SNTG1: variants seen among roughly 807,000 people sequenced by gnomAD.
The protein encoded by SNTG1 is syntrophin gamma 1, also known as gamma-1-syntrophin.
SNTG1 carries 39 observed loss-of-function variants against 74.7 expected under a neutral mutation model. The observed-to-expected ratio is 0.52, with a 90% CI of 0.40 to 0.68. The LOEUF is 0.68. Ranked by LOEUF, SNTG1 falls within the 30% of genes least tolerant of loss-of-function variation. The pLI is 0.00. For synonymous variants in SNTG1, 254 were observed against 217.1 expected (o/e 1.17, Z -1.49); for missense variants, 685 against 609.5 (o/e 1.12, Z -1.30).
chr8:50,709,197 G>T, intron 17 of SNTG1: 1 of 528,274 alleles, frequency 1.9e-6, no homozygotes, highest in Non-Finnish European at 3.4e-6. Flanking sequence ...CTATGTGAAA[G>T]TATTTATTTA....
chr8:50,633,718 G>C (rs187299451), intron 13 of SNTG1, among the ~76,000 whole-genome samples: 1 of 152,234 alleles, frequency 6.6e-6, no homozygotes, highest in Admixed American at 6.5e-5. Context: ...TGTAGGAAAT[G>C]AACCCCAAAT....
intron 2 of SNTG1, among the ~76,000 whole-genome samples, chr8:50,198,618 G>T (rs1267676830): frequency 6.6e-6 from 1 of 152,132 alleles, no homozygotes; most frequent in Non-Finnish European, 1.5e-5. Context: ...CAGCAGCAAA[G>T]TACAGTAAAG....
At position 50,121,991 on chromosome 8, in the gene SNTG1, G is replaced by T. The variant is rs1176462394; in HGVS notation, c.-102-50570G>T. Among the ~76,000 whole-genome samples the T allele has an allele frequency of 2.1e-5, 3 of 141,420 alleles. 1 individual carries two copies. The highest frequency in any genetic ancestry group is 7.7e-5 in the African/African-American group (3 of 39,154). 92.8% of individuals were successfully genotyped at this position (141,420 alleles called of 152,430 possible). A position where few individuals can be genotyped will look rare whatever the true frequency, so the allele number is the denominator to read the frequency against. On this transcript the variant is annotated intron_variant, in intron 1 of 18. Transcript: ENST00000642720. ...TTTGGTGGTAAAAATTCTGGGACTG[G>T]GAAAAAACCCAAGTGAAATTGTTTT...
At chr8:50,340,773 A>G (rs2091292946) in intron 2 of SNTG1, among the ~76,000 whole-genome samples, 1 of 152,042 alleles carries the variant, frequency 6.6e-6, no homozygotes, top group African/African-American at 2.4e-5. Flanking sequence ...TCACTAATCT[A>G]TTGATTAAAA....
At chr8:50,462,571 A>G (rs575095928) in intron 8 of SNTG1, among the ~76,000 whole-genome samples, 40 of 152,276 alleles carry the variant, frequency 2.6e-4, no homozygotes, top group African/African-American at 9.1e-4. Flanking sequence ...ACTTCTTTCA[A>G]TATTGGAGTC....
At chr8:50,687,744 ATGGTGTG>A (rs1273391192) in intron 15 of SNTG1, among the ~76,000 whole-genome samples, 7 of 151,478 alleles carry the variant, frequency 4.6e-5, no homozygotes, top group Admixed American at 2.0e-4. Flanking sequence ...ACAACAGTCC[ATGGTGTG>A]TGATGTTCCT....
chr8:50,344,978 C>G (rs761416649), intron 2 of SNTG1, among the ~76,000 whole-genome samples: 3 of 152,018 alleles, frequency 2.0e-5, no homozygotes, highest in Non-Finnish European at 2.9e-5. Flanking sequence ...GTGCACAAAC[C>G]CAGGGACAGG....
intron 1 of SNTG1, among the ~76,000 whole-genome samples, chr8:50,095,648 A>G (rs563420537): frequency 2.0e-5 from 3 of 152,280 alleles, no homozygotes; most frequent in South Asian, 2.1e-4. Context: ...TACAATTGTG[A>G]CATGCCCTTA....
At position 50,787,128 on chromosome 8, in the gene SNTG1, GA is replaced by G. The variant is rs369898342; in HGVS notation, c.1396-5534del. Among the ~76,000 whole-genome samples the G allele has an allele frequency of 2.6e-3, 393 of 149,278 alleles. 2 individuals carry two copies. The highest frequency in any genetic ancestry group is 9.3e-3 in the African/African-American group (378 of 40,822). ...TGCAAATATATAAAGGGTTTTCAGA[GA>G]AAAAAAAAGAAAAGAAACATAAATA... On this transcript the variant is annotated intron_variant, in intron 18 of 18. Coordinates refer to ENST00000642720, the MANE Select transcript of SNTG1 (RefSeq NM_018967.5).
intron 2 of SNTG1, among the ~76,000 whole-genome samples, chr8:50,326,061 G>A (rs976545719): frequency 2.0e-5 from 3 of 151,976 alleles, no homozygotes; most frequent in African/African-American, 7.2e-5. Flanking sequence ...AACAGCTTTG[G>A]AGCCTGAAAT....
chr8:50,710,367 G>C (rs1003768604), intron 17 of SNTG1, among the ~76,000 whole-genome samples: 6 of 151,812 alleles, frequency 4.0e-5, no homozygotes, highest in African/African-American at 1.5e-4. Flanking sequence ...AATCAAGATA[G>C]GCTCCTGAGT....
intron 3 of SNTG1, among the ~76,000 whole-genome samples, chr8:50,398,319 G>T (rs1260290934): frequency 6.6e-6 from 1 of 152,176 alleles, no homozygotes; most frequent in Non-Finnish European, 1.5e-5. Flanking sequence ...TAGCACGCCT[G>T]GTCCTCTCCA....
chr8:50,524,504 A>G (rs2094204815), intron 9 of SNTG1, among the ~76,000 whole-genome samples: 1 of 152,164 alleles, frequency 6.6e-6, no homozygotes, highest in African/African-American at 2.4e-5. Context: ...CATGTCAATC[A>G]CATACACTGC....
chr8:50,118,385 T>G (rs1196124753), intron 1 of SNTG1, among the ~76,000 whole-genome samples: 1 of 152,226 alleles, frequency 6.6e-6, no homozygotes, highest in African/African-American at 2.4e-5. Context: ...GAAAATGAAC[T>G]AAGATTTATT....
chr8:50,402,547 T>C (rs754770636), intron 4 of SNTG1, among the ~76,000 whole-genome samples: 1 of 152,190 alleles, frequency 6.6e-6, no homozygotes, highest in Non-Finnish European at 1.5e-5. Context: ...TTCGGGCCCA[T>C]CTCCAGCCTG....
intron 4 of SNTG1, among the ~76,000 whole-genome samples, chr8:50,423,793 A>T (rs2131474789): frequency 6.6e-6 from 1 of 152,210 alleles, no homozygotes; most frequent in Middle Eastern, 3.4e-3. Flanking sequence ...ACCTATGGAA[A>T]TTGGCCAAAA....
intron 9 of SNTG1, among the ~76,000 whole-genome samples, chr8:50,508,291 G>T (rs941152282): frequency 6.6e-6 from 1 of 152,146 alleles, no homozygotes; most frequent in Non-Finnish European, 1.5e-5. Flanking sequence ...TGGTGTATAT[G>T]TGCCACATTT....
intron 2 of SNTG1, among the ~76,000 whole-genome samples, chr8:50,290,795 G>T (rs2089055325): frequency 6.6e-6 from 1 of 151,888 alleles, no homozygotes; most frequent in Admixed American, 6.6e-5. Context: ...GTCTCTGTTT[G>T]TCCCCCAGGC....
intron 1 of SNTG1, among the ~76,000 whole-genome samples, chr8:50,061,601 T>A (rs1196922573): frequency 6.6e-6 from 1 of 152,148 alleles, no homozygotes; most frequent in African/African-American, 2.4e-5. Context: ...TTTGAGATTG[T>A]TCTGTTTCTA....
Sources: gnomAD v4.1 joint callset for allele counts (sites outside exome capture counted in the v4.1 genomes callset) on GRCh38, gnomAD v4.1.1 for gene constraint, MANE v1.5 for transcripts, NCBI Gene and HGNC (gene_info 2026-07-23, HGNC 2026-07-21) for gene names.